Variants in N4BP2 observed in about 807,000 individuals in gnomAD.
N4BP2 encodes NEDD4-binding protein 2.
In N4BP2, 91 loss-of-function variants were observed where a neutral mutation model predicts 152.8. The observed-to-expected ratio is 0.60, with a 90% CI of 0.50 to 0.71. N4BP2 has a LOEUF of 0.71. Ranked by LOEUF, N4BP2 falls within the 30% of genes least tolerant of loss-of-function variation. The probability of loss-of-function intolerance (pLI) is 0.00; values close to 1 mark genes in which losing one functional copy is unlikely to be tolerated. For missense variants in N4BP2, 1,923 were observed against 2,059.1 expected, an observed-to-expected ratio of 0.93 and a Z score of 1.28; for synonymous variants, 646 against 705.3, an observed-to-expected ratio of 0.92 and a Z score of 1.33.
In N4BP2 at chr4:40,136,965, G is replaced by A. The variant is rs1365466737; in HGVS notation, c.4668G>A (p.Val1556=). 1 of 1,611,860 alleles carries A rather than the reference G, an allele frequency of 6.2e-7. No individual in the cohort carries two copies. The highest frequency in any genetic ancestry group is 1.1e-5 in the South Asian group (1 of 90,698). The part of the protein sequence containing the change: ...KDHNYSLEHT[V]QFLNCVLEGD... ...ACAGCTATTCATTAGAACACACAGTGCAATTTCTTAACTGTGTTCTTGAAG... is the reference window on the plus strand; with the variant it reads ...ACAGCTATTCATTAGAACACACAGTACAATTTCTTAACTGTGTTCTTGAAG... Residue 1556 remains valine, a synonymous_variant, in exon 14 of 18, where the codon GTG becomes GTA. Transcript: ENST00000261435.
intron 1 of N4BP2, among the ~76,000 whole-genome samples, chr4:40,068,370 C>T (rs529929840): frequency 3.3e-5 from 5 of 152,216 alleles, no homozygotes; most frequent in South Asian, 2.1e-4. Context: ...CCTTTGGTGT[C>T]GTCTTCAAGA....
At chr4:40,088,502 GT>G (rs199929808) in intron 2 of N4BP2, among the ~76,000 whole-genome samples, 180 of 139,462 alleles carry the variant, frequency 1.3e-3, no homozygotes, top group Non-Finnish European at 1.5e-3. Flanking sequence ...TCTCATTATA[GT>G]TTTTTTTTTT....
At chr4:40,173,290 C>T in the N4BP2 span, among the ~76,000 whole-genome samples, 2 of 152,164 alleles carry the variant, frequency 1.3e-5, no homozygotes, top group Non-Finnish European at 2.9e-5. Context: ...ACCCTAAATG[C>T]AGGAACTCCC....
At position 40,103,060 on chromosome 4, in the gene N4BP2, T is replaced by C. The variant is rs1213250195; in HGVS notation, c.1215T>C (p.Thr405=). 6.2e-7 allele frequency: 1 copy of C among 1,614,192 alleles called. No homozygotes were observed. Among genetic ancestry groups the C allele is most frequent in the Non-Finnish European group, 8.5e-7 (1 of 1,180,020 alleles). ...YTFPPSVISH[T]SPTKVWRNKD... The stretch of plus-strand genomic sequence containing the variant: ...TTCCACCCTCAGTTATTTCTCACAC[T>C]TCCCCAACAAAAGTATGGAGAAATA... The change falls in exon 4 of 18, where the codon ACT becomes ACC. Residue 405 remains threonine (T), a synonymous_variant. Transcript: ENST00000261435.
At chr4:40,144,028 C>T (rs980024174) in intron 15 of N4BP2, among the ~76,000 whole-genome samples, 2 of 152,134 alleles carry the variant, frequency 1.3e-5, no homozygotes, top group Non-Finnish European at 2.9e-5. Flanking sequence ...ACCAGGGATA[C>T]TGACTGCAGC....
In N4BP2 at chr4:40,107,027, A is replaced by C; in HGVS notation, c.1498+3A>C. The C allele has an allele frequency of 3.7e-6, 6 of 1,612,216 alleles. No homozygotes were observed. Among genetic ancestry groups the C allele is most frequent in the Non-Finnish European group, 5.1e-6 (6 of 1,179,298 alleles). Reference sequence around the variant, plus strand: ...ACATGAATGGAACCAGAATCGTGGTAAGAACAGATAATCAGATTCTGGGTA... The same window carrying C: ...ACATGAATGGAACCAGAATCGTGGTCAGAACAGATAATCAGATTCTGGGTA... On this transcript the variant is annotated splice_donor_region_variant and intron_variant, in intron 5 of 17. Coordinates refer to ENST00000261435, the MANE Select transcript of N4BP2 (RefSeq NM_018177.6).
downstream of N4BP2, among the ~76,000 whole-genome samples, chr4:40,160,415 G>A (rs1304437274): frequency 6.6e-6 from 1 of 152,194 alleles, no homozygotes; most frequent in Non-Finnish European, 1.5e-5. Context: ...TTGTGCTGGT[G>A]ATGGGCTAGT....
chr4:40,061,262 C>G (rs1003768008), intron 1 of N4BP2, among the ~76,000 whole-genome samples: 3 of 151,138 alleles, frequency 2.0e-5, no homozygotes, highest in Non-Finnish European at 4.4e-5. Context: ...CTCTGCCTCC[C>G]AGGTTCAAGC....
In N4BP2 at chr4:40,139,298, A is replaced by G. The variant is rs147988332; in HGVS notation, c.4785+2216A>G. Among the ~76,000 whole-genome samples, 360 of 152,170 alleles carry G rather than the reference A, an allele frequency of 2.4e-3. 1 individual carries two copies. Among genetic ancestry groups the G allele is most frequent in the African/African-American group, 8.2e-3 (341 of 41,518 alleles). On this transcript the variant is annotated intron_variant, in intron 14 of 17. Transcript: ENST00000261435. ...ATTAAAAAGAGAAAAGGGTCTTGCT[A>G]TGTTGCCCAGACTGGTTTCAACTCC... is the stretch of plus-strand genomic sequence containing the variant.
intron 2 of N4BP2, among the ~76,000 whole-genome samples, chr4:40,081,795 G>A (rs1324352767): frequency 1.3e-5 from 2 of 151,780 alleles, no homozygotes; most frequent in Non-Finnish European, 2.9e-5. Context: ...GGCCAATGTG[G>A]TGAAACCCCA....
chr4:40,107,752 G>A (rs1027947001), intron 5 of N4BP2, among the ~76,000 whole-genome samples: 2 of 152,128 alleles, frequency 1.3e-5, no homozygotes, highest in Admixed American at 6.5e-5. Context: ...ATAGTAAGAG[G>A]TGAGTTTATT....
rs35556710 is a variant in N4BP2, at chr4:40,104,409, GTTT to G, written c.1373+1201_1373+1203del. 2.1e-3 allele frequency among the ~76,000 whole-genome samples: 311 copies of G among 149,812 alleles called. 1 individual carries two copies. The highest frequency in any genetic ancestry group is 3.8e-3 in the South Asian group (18 of 4,776). On this transcript the variant is annotated intron_variant, in intron 4 of 17. Transcript: ENST00000261435. ...AATGTCCTTCATAAACTTATTTTTAGTTTTTTTTTTTTGATATCTTTTCTGTGT... is the reference window on the plus strand; with the variant it reads ...AATGTCCTTCATAAACTTATTTTTAGTTTTTTTTTGATATCTTTTCTGTGT...
chr4:40,066,219 G>A (rs1188998857), intron 1 of N4BP2, among the ~76,000 whole-genome samples: 1 of 151,824 alleles, frequency 6.6e-6, no homozygotes, highest in African/African-American at 2.4e-5. Flanking sequence ...GTGAGCCACC[G>A]TGCCCGGCCC....
At position 40,097,455 on chromosome 4, in the gene N4BP2, T is replaced by C. The variant is rs1392010503; in HGVS notation, c.115T>C (p.Ser39Pro). ...TGAGGAGCCAACCACTACTCTACCT[T>C]CCATGGGTGAGACAAAAGTTGATCA... is the stretch of plus-strand genomic sequence containing the variant. ...SREEPTTTLP[S>P]MGETKVDQEE... The change falls in exon 3 of 18, where the codon TCC (serine) becomes CCC (proline). Residue 39 changes from serine (S) to proline (P), a missense_variant. Ser to Pro is a moderately conservative substitution (Grantham distance 74). Transcript: ENST00000261435. 10 of 1,613,904 alleles carry C rather than the reference T, an allele frequency of 6.2e-6. No homozygotes were observed. The highest frequency in any genetic ancestry group is 6.8e-6 in the Non-Finnish European group (8 of 1,179,964).
chr4:40,135,846 C>T (rs1051143220), intron 13 of N4BP2, among the ~76,000 whole-genome samples: 2 of 152,172 alleles, frequency 1.3e-5, no homozygotes, highest in Non-Finnish European at 2.9e-5. Context: ...GGATTACAGG[C>T]GTGAGCCACC....
the N4BP2 span, among the ~76,000 whole-genome samples, chr4:40,169,309 C>T: frequency 1.3e-5 from 2 of 149,536 alleles, no homozygotes; most frequent in African/African-American, 4.9e-5. Flanking sequence ...TTGAACCCAG[C>T]GGGTGGAGGT....
At chr4:40,094,766 G>A (rs1434571098) in intron 2 of N4BP2, among the ~76,000 whole-genome samples, 3 of 151,564 alleles carry the variant, frequency 2.0e-5, no homozygotes, top group Non-Finnish European at 2.9e-5. Context: ...TGGTCAGGCT[G>A]GTCTCAAACT....
rs1721433953 is a variant in N4BP2, at chr4:40,154,423, A to G, written c.*186A>G. ...TGATTTTTTACTGAATCAAATGCAAATGTTACCTGTTAAAGATATTACAGA... is the reference window on the plus strand; with the variant it reads ...TGATTTTTTACTGAATCAAATGCAAGTGTTACCTGTTAAAGATATTACAGA... On this transcript the variant is annotated 3_prime_UTR_variant, in exon 18 of 18. Coordinates refer to ENST00000261435, the MANE Select transcript of N4BP2 (RefSeq NM_018177.6). 2.0e-6 allele frequency: 1 copy of G among 489,094 alleles called. No individual in the cohort carries two copies. The highest frequency in any genetic ancestry group is 3.6e-6 in the Non-Finnish European group (1 of 281,024). The allele number at this position is 489,094 out of a possible 1,614,324, so 30.3% of individuals were successfully genotyped here.
At chr4:40,169,829 G>A in the N4BP2 span, among the ~76,000 whole-genome samples, 1 of 151,826 alleles carries the variant, frequency 6.6e-6, no homozygotes, top group Admixed American at 6.6e-5. Context: ...GCTGGGCGTG[G>A]TGGCAGGCGT....
Sources: gnomAD v4.1 joint callset for allele counts (sites outside exome capture counted in the v4.1 genomes callset) on GRCh38, gnomAD v4.1.1 for gene constraint, MANE v1.5 for transcripts, NCBI Gene and HGNC (gene_info 2026-07-23, HGNC 2026-07-21) for gene names.